SDCCAG8: variants seen among roughly 807,000 people sequenced by gnomAD.
SDCCAG8 encodes serologically defined colon cancer antigen 8.
Under a neutral mutation model 101.8 loss-of-function variants are expected in SDCCAG8, and 74 were observed. The observed-to-expected ratio is 0.73, with a 90% CI of 0.60 to 0.88. The LOEUF (loss-of-function observed/expected upper bound fraction) is 0.88, where lower values mean the gene tolerates loss of function less well. Among genes scored for constraint, SDCCAG8 ranks in the 40% least tolerant of loss-of-function variants. The pLI, the probability that SDCCAG8 is intolerant of heterozygous loss-of-function variation, is 0.00. For missense variants in SDCCAG8, 787 were observed against 822.6 expected (o/e 0.96, Z 0.53); for synonymous variants, 281 against 292.9 (o/e 0.96, Z 0.41).
intron 9 of SDCCAG8, among the ~76,000 whole-genome samples, chr1:243,321,650 T>C (rs1312464238): frequency 2.0e-5 from 3 of 152,162 alleles, no homozygotes; most frequent in Non-Finnish European, 4.4e-5. Context: ...CCTAAGTTGA[T>C]TCCATGTCTT....
At chr1:243,348,422 T>A (rs1028392760) in intron 12 of SDCCAG8, among the ~76,000 whole-genome samples, 5 of 151,752 alleles carry the variant, frequency 3.3e-5, no homozygotes, top group Admixed American at 3.3e-4. Flanking sequence ...CAATCCTCTC[T>A]AAACACACAT....
chr1:243,345,929 A>G (rs1190755015), intron 12 of SDCCAG8, among the ~76,000 whole-genome samples: 2 of 152,222 alleles, frequency 1.3e-5, no homozygotes, highest in East Asian at 3.8e-4. Flanking sequence ...AGTTTTCATA[A>G]TGACGTTTAG....
intron 9 of SDCCAG8, 137 bp downstream of exon 9, chr1:243,317,030 G>A (rs1341271349): frequency 1.1e-6 from 1 of 923,532 alleles, no homozygotes; most frequent in African/African-American, 1.7e-5. Context: ...TGTTAATGTT[G>A]ACTTTTCTGA....
intron 13 of SDCCAG8, among the ~76,000 whole-genome samples, chr1:243,404,282 C>T (rs2079603251): frequency 6.6e-6 from 1 of 152,096 alleles, no homozygotes; most frequent in African/African-American, 2.4e-5. Context: ...CTGGAAGCAG[C>T]AGGTTTCCAG....
chr1:243,301,640 G>A (rs973077690), intron 6 of SDCCAG8, among the ~76,000 whole-genome samples: 6 of 151,962 alleles, frequency 3.9e-5, no homozygotes, highest in Admixed American at 6.6e-5. Flanking sequence ...GTGCCAACAC[G>A]CACAAAAACT....
rs142720253 is a variant in SDCCAG8 at position 243,275,410 on chromosome 1, G to A, written c.420+754G>A. ...TTTTATATATAGTATATGATATTAT[G>A]TATTATATTGTTGACATTTTAAGAT... On this transcript the variant is annotated intron_variant, in intron 4 of 17. Coordinates refer to ENST00000366541, the MANE Select transcript of SDCCAG8 (RefSeq NM_006642.5). Among the ~76,000 whole-genome samples, 97 of 151,760 alleles carry A rather than the reference G, an allele frequency of 6.4e-4. No individual in the cohort carries two copies. In the East Asian group the frequency reaches 0.018, roughly 29 times the overall value.
At chr1:243,346,132 A>G (rs1363630689) in intron 12 of SDCCAG8, 1 of 154,346 alleles carries the variant, frequency 6.5e-6, no homozygotes, top group Non-Finnish European at 1.5e-5. Flanking sequence ...AGACAGTTTC[A>G]GAAAAGAAGT....
intron 16 of SDCCAG8, among the ~76,000 whole-genome samples, chr1:243,445,672 A>T (rs1380930990): frequency 6.6e-6 from 1 of 152,208 alleles, no homozygotes; most frequent in Non-Finnish European, 1.5e-5. Flanking sequence ...TACATCTTTT[A>T]TTGCACCCAA....
intron 17 of SDCCAG8, among the ~76,000 whole-genome samples, chr1:243,489,664 C>T (rs1665889451): frequency 6.6e-6 from 1 of 152,198 alleles, no homozygotes; most frequent in Non-Finnish European, 1.5e-5. Flanking sequence ...ACACACAGAA[C>T]ATGCATTAAT....
chr1:243,395,763 CTG>C (rs2078997165), intron 13 of SDCCAG8, among the ~76,000 whole-genome samples: 1 of 152,044 alleles, frequency 6.6e-6, no homozygotes, highest in African/African-American at 2.4e-5. Flanking sequence ...TAAATTATAA[CTG>C]TTTAATCAGT....
intron 1 of SDCCAG8, among the ~76,000 whole-genome samples, chr1:243,256,599 A>G (rs1187708669): frequency 6.6e-6 from 1 of 152,248 alleles, no homozygotes; most frequent in Non-Finnish European, 1.5e-5. Flanking sequence ...ACACATTTAA[A>G]TTATGGCACA....
At chr1:243,307,900 G>T in intron 7 of SDCCAG8, 89 bp from the exon 8 acceptor site, 1 of 1,593,878 alleles carries the variant, frequency 6.3e-7, no homozygotes, top group South Asian at 1.1e-5. Flanking sequence ...ACCCATAAAC[G>T]ATAGTAGTAG....
At chr1:243,414,543 A>G (rs888482624) in intron 13 of SDCCAG8, among the ~76,000 whole-genome samples, 2 of 152,120 alleles carry the variant, frequency 1.3e-5, no homozygotes, top group Non-Finnish European at 2.9e-5. Context: ...AGAATTTTAT[A>G]CTACAACATG....
At chr1:243,436,602 T>C (rs1467055626) in intron 16 of SDCCAG8, among the ~76,000 whole-genome samples, 1 of 152,190 alleles carries the variant, frequency 6.6e-6, no homozygotes, top group Non-Finnish European at 1.5e-5. Context: ...ATTAAGTCTT[T>C]AGGAACAGAA....
chr1:243,498,677 T>C (rs1396450328), intron 17 of SDCCAG8, among the ~76,000 whole-genome samples: 2 of 152,266 alleles, frequency 1.3e-5, no homozygotes, highest in African/African-American at 2.4e-5. Flanking sequence ...TATATTTCTC[T>C]TGAATGCGGA....
chr1:243,292,472 G>C (rs2070372930), intron 5 of SDCCAG8, among the ~76,000 whole-genome samples: 1 of 152,192 alleles, frequency 6.6e-6, no homozygotes, highest in Admixed American at 6.5e-5. Flanking sequence ...TAGGAATTCT[G>C]TGTCAGGAAC....
At chr1:243,408,201 A>G (rs1447460671) in intron 13 of SDCCAG8, among the ~76,000 whole-genome samples, 1 of 152,176 alleles carries the variant, frequency 6.6e-6, no homozygotes, top group Non-Finnish European at 1.5e-5. Context: ...TCATTCGTTT[A>G]TTCATTCATG....
At position 243,499,631 on chromosome 1, in the gene SDCCAG8, T is replaced by C. The variant is rs1449680712; in HGVS notation, c.2113-125T>C. The C allele has an allele frequency of 1.9e-5, 15 of 778,638 alleles. No individual in the cohort carries two copies. In the Admixed American group the frequency reaches 3.0e-4, roughly 16 times the overall value. 48.2% of individuals were successfully genotyped at this position (778,638 alleles called of 1,614,324 possible). A position where few individuals can be genotyped will look rare whatever the true frequency, so the allele number is the denominator to read the frequency against. ...ACTTTTCATATAATTTCCACATTTT[T>C]AGCAACAGGTTTTTTTCTCCAACAA... On this transcript the variant is annotated intron_variant, in intron 17 of 17. Coordinates refer to ENST00000366541, the MANE Select transcript of SDCCAG8 (RefSeq NM_006642.5).
intron 17 of SDCCAG8, among the ~76,000 whole-genome samples, chr1:243,492,190 A>G (rs1666605217): frequency 6.7e-6 from 1 of 149,066 alleles, no homozygotes; most frequent in African/African-American, 2.5e-5. Flanking sequence ...TAGCTGCCAC[A>G]TGGATGCTTT....
Sources: gnomAD v4.1 joint callset for allele counts (sites outside exome capture counted in the v4.1 genomes callset) on GRCh38, gnomAD v4.1.1 for gene constraint, MANE v1.5 for transcripts, NCBI Gene and HGNC (gene_info 2026-07-23, HGNC 2026-07-21) for gene names.